The following NKAIN2 variants were observed in gnomAD, a reference collection of about 807,000 sequenced individuals.
The protein encoded by NKAIN2 is sodium/potassium-transporting ATPase subunit beta-1-interacting protein 2.
A neutral mutation model predicts 32.6 loss-of-function variants in NKAIN2; 14 were observed. The observed-to-expected ratio is 0.43, with a 90% confidence interval of 0.28 to 0.67. The LOEUF is 0.67. Among genes scored for constraint, NKAIN2 ranks in the 30% least tolerant of loss-of-function variants. The probability of loss-of-function intolerance (pLI) is 0.17; values close to 1 mark genes in which losing one functional copy is unlikely to be tolerated. For missense variants in NKAIN2, 198 were observed against 258.3 expected (o/e 0.77, Z 1.60); for synonymous variants, 80 against 87.2 (o/e 0.92, Z 0.46).
chr6:123,885,462 A>G (rs1773669210), intron 1 of NKAIN2, among the ~76,000 whole-genome samples: 1 of 152,256 alleles, frequency 6.6e-6, no homozygotes, highest in African/African-American at 2.4e-5. Context: ...AATTTTTGTC[A>G]TTGATCAGAT....
intron 2 of NKAIN2, among the ~76,000 whole-genome samples, chr6:124,345,686 T>C (rs1798385820): frequency 6.6e-6 from 1 of 151,864 alleles, no homozygotes; most frequent in Non-Finnish European, 1.5e-5. Flanking sequence ...TGATATCCCC[T>C]TTATCATTTT....
intron 3 of NKAIN2, among the ~76,000 whole-genome samples, chr6:124,584,534 A>T (rs1781638120): frequency 6.6e-6 from 1 of 151,800 alleles, no homozygotes; most frequent in African/African-American, 2.4e-5. Context: ...GTGCCTATAA[A>T]CCCAGATTCT....
At chr6:124,319,946 A>G (rs1308737498) in intron 2 of NKAIN2, among the ~76,000 whole-genome samples, 1 of 152,148 alleles carries the variant, frequency 6.6e-6, no homozygotes, top group Admixed American at 6.6e-5. Flanking sequence ...ATTAAGCCAC[A>G]GTTTTAAAAA....
chr6:124,356,642 A>T (rs1798994258), intron 3 of NKAIN2, among the ~76,000 whole-genome samples: 1 of 152,112 alleles, frequency 6.6e-6, no homozygotes, highest in African/African-American at 2.4e-5. Flanking sequence ...TGCCGTGACC[A>T]ATGAAAATAA....
At chr6:124,268,214 A>G (rs1453041991) in intron 1 of NKAIN2, among the ~76,000 whole-genome samples, 3 of 152,178 alleles carry the variant, frequency 2.0e-5, no homozygotes, top group Admixed American at 6.5e-5. Context: ...ATGAAATTCA[A>G]CTGATCAGAG....
chr6:124,444,168 T>C (rs184798382), intron 3 of NKAIN2, among the ~76,000 whole-genome samples: 321 of 152,176 alleles, frequency 2.1e-3, no homozygotes, highest in South Asian at 5.2e-3. Flanking sequence ...CGATAGTTGA[T>C]ATAGAATAAA....
intron 3 of NKAIN2, among the ~76,000 whole-genome samples, chr6:124,506,624 A>G (rs1017905869): frequency 8.5e-5 from 13 of 152,202 alleles, no homozygotes; most frequent in Non-Finnish European, 1.6e-4. Flanking sequence ...TCCCAGGGCA[A>G]AGAAATAATG....
chr6:124,636,356 C>T (rs1439615784), intron 3 of NKAIN2, among the ~76,000 whole-genome samples: 2 of 151,776 alleles, frequency 1.3e-5, no homozygotes, highest in Non-Finnish European at 2.9e-5. Context: ...ACCCATGTAC[C>T]TCGAGCATCC....
chr6:124,708,764 T>A (rs1416215235), intron 4 of NKAIN2, among the ~76,000 whole-genome samples: 5 of 151,818 alleles, frequency 3.3e-5, no homozygotes, highest in African/African-American at 4.9e-5. Flanking sequence ...TTTCTAGATA[T>A]ACAATCATGT....
intron 3 of NKAIN2, among the ~76,000 whole-genome samples, chr6:124,512,127 A>T (rs528777221): frequency 6.6e-6 from 1 of 152,214 alleles, no homozygotes; most frequent in East Asian, 1.9e-4. Flanking sequence ...GTTACATAAA[A>T]GCATTTTATA....
At chr6:124,807,835 G>A (rs147096548) in intron 5 of NKAIN2, among the ~76,000 whole-genome samples, 30,042 of 142,308 alleles carry the variant, frequency 0.21, 3,815 homozygotes, top group East Asian at 0.55. Flanking sequence ...ACAAACTACC[G>A]TCAGAGAATA....
intron 4 of NKAIN2, among the ~76,000 whole-genome samples, chr6:124,659,892 T>G (rs112054828): frequency 1.7e-4 from 26 of 152,258 alleles, no homozygotes; most frequent in African/African-American, 6.3e-4. Context: ...ATTATGTTCT[T>G]TGCTAAAACA....
intron 4 of NKAIN2, among the ~76,000 whole-genome samples, chr6:124,727,189 T>G (rs1776371725): frequency 6.6e-6 from 1 of 150,554 alleles, no homozygotes; most frequent in Admixed American, 6.6e-5. Flanking sequence ...AACGTTCAGA[T>G]TCAGGAAATA....
At chr6:124,214,284 TTAA>T (rs1791346377) in intron 1 of NKAIN2, among the ~76,000 whole-genome samples, 1 of 152,174 alleles carries the variant, frequency 6.6e-6, no homozygotes, top group African/African-American at 2.4e-5. Context: ...CTTGTGAGTA[TTAA>T]TAGTAGTAAA....
At chr6:124,527,347 C>T (rs566687542) in intron 3 of NKAIN2, among the ~76,000 whole-genome samples, 9 of 152,210 alleles carry the variant, frequency 5.9e-5, no homozygotes, top group African/African-American at 2.2e-4. Flanking sequence ...TATTTTAAGC[C>T]CTGTTCAAAA....
At chr6:124,242,250 T>A (rs1404712234) in intron 1 of NKAIN2, among the ~76,000 whole-genome samples, 5 of 152,108 alleles carry the variant, frequency 3.3e-5, no homozygotes, top group African/African-American at 1.2e-4. Context: ...AACAGACACT[T>A]CTCAAAAGAA....
At chr6:124,527,163 ATCACTG>A (rs2114811475) in intron 3 of NKAIN2, among the ~76,000 whole-genome samples, 1 of 152,280 alleles carries the variant, frequency 6.6e-6, no homozygotes, top group African/African-American at 2.4e-5. Flanking sequence ...TGTTTACAAA[ATCACTG>A]GATGCATAGT....
chr6:123,850,371 T>C (rs931022711), intron 1 of NKAIN2, among the ~76,000 whole-genome samples: 44 of 140,242 alleles, frequency 3.1e-4, no homozygotes, highest in Admixed American at 8.5e-4. Flanking sequence ...TATATATATA[T>C]ACACACACAC....
chr6:124,087,456 A>G (rs551698424), intron 1 of NKAIN2, among the ~76,000 whole-genome samples: 2 of 151,996 alleles, frequency 1.3e-5, no homozygotes, highest in Non-Finnish European at 2.9e-5. Context: ...AAAAAAATGT[A>G]TATACATTGG....
Sources: gnomAD v4.1 joint callset for allele counts (sites outside exome capture counted in the v4.1 genomes callset) on GRCh38, gnomAD v4.1.1 for gene constraint, MANE v1.5 for transcripts, NCBI Gene and HGNC (gene_info 2026-07-23, HGNC 2026-07-21) for gene names.